The following SLC9B1 variants were observed in gnomAD, a reference collection of about 807,000 sequenced individuals.
SLC9B1 encodes the protein solute carrier family 9 member B1, also known as sodium/hydrogen exchanger 9B1.
Under a neutral mutation model 51.7 loss-of-function variants are expected in SLC9B1, and 32 were observed. That is an observed-to-expected ratio of 0.62 (90% CI 0.47 to 0.83). The LOEUF is 0.83. Ranked by LOEUF, SLC9B1 falls within the 40% of genes least tolerant of loss-of-function variation. SLC9B1 has a pLI of 0.00. For missense variants in SLC9B1, 406 were observed against 613.2 expected (o/e 0.66, Z 3.57); for synonymous variants, 145 against 212.7 (o/e 0.68, Z 2.77).
chr4:102,908,838 A>G (rs1313957341), intron 9 of SLC9B1, among the ~76,000 whole-genome samples: 169 of 146,806 alleles, frequency 1.2e-3, no homozygotes, highest in Middle Eastern at 3.6e-3. Flanking sequence ...AGTAGCCCTA[A>G]GAGAAACTAT....
At chr4:102,982,105 T>C (rs1470327567) in intron 3 of SLC9B1, among the ~76,000 whole-genome samples, 1 of 152,122 alleles carries the variant, frequency 6.6e-6, no homozygotes, top group Non-Finnish European at 1.5e-5. Flanking sequence ...ATTCCTTTTT[T>C]TTTTTGCATC....
chr4:102,925,589 C>T (rs1341237211), intron 7 of SLC9B1, among the ~76,000 whole-genome samples: 1 of 151,118 alleles, frequency 6.6e-6, no homozygotes, highest in East Asian at 1.9e-4. Flanking sequence ...TATACCATAT[C>T]TGTACAAAAA....
intron 3 of SLC9B1, among the ~76,000 whole-genome samples, chr4:102,949,790 G>A (rs1232682005): frequency 6.6e-6 from 1 of 151,890 alleles, no homozygotes; most frequent in South Asian, 2.1e-4. Flanking sequence ...GTGAAATCCC[G>A]TCTCTACTAA....
At chr4:102,940,780 T>C (rs77442931) in intron 6 of SLC9B1, among the ~76,000 whole-genome samples, 1 of 152,012 alleles carries the variant, frequency 6.6e-6, no homozygotes, top group Admixed American at 6.6e-5. Flanking sequence ...AAAACAGACA[T>C]AGACCAGTGG....
intron 1 of SLC9B1, among the ~76,000 whole-genome samples, chr4:103,001,336 C>A (rs74350146): frequency 0.019 from 2,913 of 152,302 alleles, 94 homozygotes; most frequent in African/African-American, 0.063. Flanking sequence ...TGTCTGCAGG[C>A]AGCTTGAACT....
rs1242145281 is a variant in SLC9B1 at position 102,979,870 on chromosome 4, T to A, written c.211+9930A>T. On this transcript the variant is annotated intron_variant, in intron 3 of 11. Transcript: ENST00000296422. ...TCTGATAAAGGTCTAATATCCAGAG[T>A]CCACAAGGAAGTTAAACAAATTTAC... Among the ~76,000 whole-genome samples the A allele has an allele frequency of 2.0e-5, 3 of 151,550 alleles. No homozygotes were observed. In the East Asian group the frequency reaches 5.8e-4, roughly 29 times the overall value.
intron 7 of SLC9B1, among the ~76,000 whole-genome samples, chr4:102,912,756 T>C (rs1735399666): frequency 1.3e-5 from 2 of 151,998 alleles, no homozygotes; most frequent in Non-Finnish European, 2.9e-5. Context: ...GGTGTGTGCC[T>C]ATAGTCCAAG....
intron 3 of SLC9B1, among the ~76,000 whole-genome samples, chr4:102,954,780 G>A (rs1343010219): frequency 1.3e-5 from 2 of 152,086 alleles, no homozygotes; most frequent in Non-Finnish European, 2.9e-5. Flanking sequence ...CAAAGAAATT[G>A]GTAAAATGTA....
chr4:102,916,030 GA>G (rs1735561375), intron 7 of SLC9B1, among the ~76,000 whole-genome samples: 2 of 151,856 alleles, frequency 1.3e-5, no homozygotes, highest in South Asian at 4.2e-4. Flanking sequence ...AGGAAAAGTG[GA>G]AAAAAATAGC....
intron 3 of SLC9B1, among the ~76,000 whole-genome samples, chr4:102,979,485 C>T (rs911291238): frequency 6.6e-6 from 1 of 152,164 alleles, no homozygotes; most frequent in African/African-American, 2.4e-5. Context: ...GAGGCAAGTC[C>T]TTCCTCATAG....
chr4:102,928,080 G>A (rs763627735), intron 7 of SLC9B1, among the ~76,000 whole-genome samples: 101 of 151,452 alleles, frequency 6.7e-4, no homozygotes, highest in Admixed American at 3.2e-3. Flanking sequence ...CTGTCGGGGG[G>A]TGGAGGGCTG....
intron 3 of SLC9B1, among the ~76,000 whole-genome samples, chr4:102,972,208 T>C (rs1386467055): frequency 1.3e-5 from 2 of 152,100 alleles, no homozygotes; most frequent in Admixed American, 6.6e-5. Flanking sequence ...TTTAGACCAA[T>C]ATCCCTGATG....
At chr4:103,016,741 C>A (rs150791090) in intron 1 of SLC9B1, 42 of 152,128 alleles carry the variant, frequency 2.8e-4, no homozygotes, top group African/African-American at 9.9e-4. Context: ...CAGGCATGAG[C>A]CACCATGCCC....
chr4:102,900,802 GTTTAA>G, downstream of SLC9B1: 1 of 435,978 alleles, frequency 2.3e-6, no homozygotes, highest in Admixed American at 4.6e-5. Context: ...CATTAAGTTT[GTTTAA>G]TTTTATATTA....
At chr4:102,885,259 A>G (rs1374209195) in exon 12 of SLC9B1, 2 of 1,614,146 alleles carry the variant, frequency 1.2e-6, no homozygotes, top group Admixed American at 1.7e-5. Flanking sequence ...GTGTACTCGC[A>G]CTTCTTGGCT....
intron 6 of SLC9B1, among the ~76,000 whole-genome samples, chr4:102,941,319 A>G (rs1270589431): frequency 6.6e-6 from 1 of 152,190 alleles, no homozygotes; most frequent in Non-Finnish European, 1.5e-5. Flanking sequence ...TAACAACCCC[A>G]TTAAATGGGC....
intron 7 of SLC9B1, among the ~76,000 whole-genome samples, chr4:102,927,697 C>A (rs1246894961): frequency 2.6e-5 from 4 of 152,142 alleles, no homozygotes; most frequent in Non-Finnish European, 4.4e-5. Flanking sequence ...ACTAGAATTA[C>A]CATTTGACCC....
intron 3 of SLC9B1, among the ~76,000 whole-genome samples, chr4:102,974,934 T>G (rs181481745): frequency 4.6e-5 from 7 of 152,136 alleles, no homozygotes; most frequent in African/African-American, 1.7e-4. Context: ...TCTAAAAAAA[T>G]TCTGGACCCG....
intron 3 of SLC9B1, among the ~76,000 whole-genome samples, chr4:102,979,778 G>C (rs903584518): frequency 6.6e-6 from 1 of 152,040 alleles, no homozygotes; most frequent in Non-Finnish European, 1.5e-5. Flanking sequence ...AGAGATTACA[G>C]AGAGATCTCA....
Sources: gnomAD v4.1 joint callset for allele counts (sites outside exome capture counted in the v4.1 genomes callset) on GRCh38, gnomAD v4.1.1 for gene constraint, MANE v1.5 for transcripts, NCBI Gene and HGNC (gene_info 2026-07-23, HGNC 2026-07-21) for gene names.